TASP1: variants seen among roughly 807,000 people sequenced by gnomAD.
TASP1 encodes the protein taspase 1.
Under a neutral mutation model 56.6 loss-of-function variants are expected in TASP1, and 16 were observed. The observed-to-expected ratio is 0.28, with a 90% confidence interval of 0.19 to 0.43. The LOEUF (loss-of-function observed/expected upper bound fraction) is 0.43, where lower values mean the gene tolerates loss of function less well. Ranked by LOEUF, TASP1 falls within the 20% of genes least tolerant of loss-of-function variation. The probability of loss-of-function intolerance (pLI) is 1.00; values close to 1 mark genes in which losing one functional copy is unlikely to be tolerated. For synonymous variants in TASP1, 179 were observed against 184.2 expected (o/e 0.97, Z 0.23); for missense variants, 393 against 511.6 (o/e 0.77, Z 2.24).
the TASP1 span, among the ~76,000 whole-genome samples, chr20:13,123,968 C>T: frequency 6.6e-6 from 1 of 152,174 alleles, no homozygotes; most frequent in South Asian, 2.1e-4. Flanking sequence ...CTGTGAAGGA[C>T]AGCCCTGGCT....
chr20:13,438,938 T>G (rs554100253), intron 11 of TASP1, among the ~76,000 whole-genome samples: 1 of 152,126 alleles, frequency 6.6e-6, no homozygotes, highest in Non-Finnish European at 1.5e-5. Flanking sequence ...GAGAAATGCA[T>G]ATCAAAACCA....
chr20:13,139,824 C>T, the TASP1 span, among the ~76,000 whole-genome samples: 3 of 152,022 alleles, frequency 2.0e-5, no homozygotes, highest in African/African-American at 4.8e-5. Flanking sequence ...ACTCTTGACC[C>T]GGAATAGAAT....
intron 13 of TASP1, among the ~76,000 whole-genome samples, chr20:13,412,862 A>C (rs1338072198): frequency 1.3e-5 from 2 of 152,162 alleles, no homozygotes; most frequent in Non-Finnish European, 2.9e-5. Context: ...ACAAGGACTT[A>C]ATGGGGTCTA....
At chr20:13,557,580 T>C (rs986651973) in intron 8 of TASP1, among the ~76,000 whole-genome samples, 2 of 139,392 alleles carry the variant, frequency 1.4e-5, no homozygotes, top group South Asian at 4.8e-4. Flanking sequence ...TGGTTTTTTT[T>C]TTTTTTTTTT....
chr20:13,456,096 G>T (rs998554458), intron 11 of TASP1, among the ~76,000 whole-genome samples: 1 of 152,092 alleles, frequency 6.6e-6, no homozygotes, highest in African/African-American at 2.4e-5. Flanking sequence ...GGATCCAGAA[G>T]ACAAAGCACA....
At chr20:13,143,621 C>A in the TASP1 span, among the ~76,000 whole-genome samples, 46 of 152,246 alleles carry the variant, frequency 3.0e-4, no homozygotes, top group African/African-American at 8.9e-4. Context: ...TGGGGGGCTT[C>A]CCCATCAATT....
In TASP1 at chr20:13,572,261, T is replaced by C. The variant is rs6134914; in HGVS notation, c.489-2675A>G. On this transcript the variant is annotated intron_variant, in intron 6 of 13. Coordinates refer to ENST00000337743, the MANE Select transcript of TASP1 (RefSeq NM_017714.3). ...AGATATTAAACAAAATAATAGAGTG[T>C]CAAACTTCTCTAGATTAAAGGACAG... Among the ~76,000 whole-genome samples, 19 of 152,130 alleles carry C rather than the reference T, an allele frequency of 1.2e-4. No homozygotes were observed. In the South Asian group the frequency reaches 2.5e-3, roughly 20 times the overall value.
At chr20:13,510,496 C>T (rs1164549140) in intron 10 of TASP1, among the ~76,000 whole-genome samples, 1 of 152,146 alleles carries the variant, frequency 6.6e-6, no homozygotes, top group Non-Finnish European at 1.5e-5. Flanking sequence ...CATCCATTTT[C>T]TATGGCCAGC....
the TASP1 span, among the ~76,000 whole-genome samples, chr20:13,381,652 A>G: frequency 3.7e-3 from 569 of 152,274 alleles, 3 homozygotes; most frequent in African/African-American, 0.013. Context: ...TCTTAGTACC[A>G]GGAGCACCCT....
At chr20:13,119,669 A>G in the TASP1 span, among the ~76,000 whole-genome samples, 3 of 151,894 alleles carry the variant, frequency 2.0e-5, no homozygotes, top group Non-Finnish European at 2.9e-5. Context: ...TCTTCCCTTC[A>G]TGTTACACTG....
At chr20:13,174,190 T>C in the TASP1 span, among the ~76,000 whole-genome samples, 1 of 152,178 alleles carries the variant, frequency 6.6e-6, no homozygotes, top group Non-Finnish European at 1.5e-5. Context: ...ACAGGTCTGA[T>C]TTTAGAAAAT....
intron 8 of TASP1, among the ~76,000 whole-genome samples, chr20:13,558,472 G>C (rs181544889): frequency 6.6e-6 from 1 of 152,116 alleles, no homozygotes; most frequent in African/African-American, 2.4e-5. Flanking sequence ...AAATTAAAAT[G>C]AGTCAAGGAC....
the TASP1 span, among the ~76,000 whole-genome samples, chr20:13,322,728 G>A: frequency 6.6e-6 from 1 of 152,158 alleles, no homozygotes. Flanking sequence ...TAAAGGATGG[G>A]GGTGGAATAT....
At chr20:13,257,867 G>A in the TASP1 span, among the ~76,000 whole-genome samples, 1 of 152,044 alleles carries the variant, frequency 6.6e-6, no homozygotes, top group Non-Finnish European at 1.5e-5. Flanking sequence ...GGGAGGCCAG[G>A]GAATTCAAAG....
At chr20:13,289,679 G>A in the TASP1 span, among the ~76,000 whole-genome samples, 1 of 151,838 alleles carries the variant, frequency 6.6e-6, no homozygotes, top group Admixed American at 6.6e-5. Flanking sequence ...AGGAGGGGGA[G>A]GAGGAGGAAG....
chr20:13,436,822 AAG>A (rs1394381066), intron 11 of TASP1, among the ~76,000 whole-genome samples: 1 of 152,136 alleles, frequency 6.6e-6, no homozygotes, highest in Non-Finnish European at 1.5e-5. Context: ...GACTTAGGGT[AAG>A]AGCTTCAAGA....
the TASP1 span, among the ~76,000 whole-genome samples, chr20:13,156,993 T>C: frequency 1.3e-5 from 2 of 152,236 alleles, no homozygotes; most frequent in East Asian, 3.8e-4. Flanking sequence ...TCTTGTTTCT[T>C]TCAACTTAAG....
At chr20:13,321,066 G>A in the TASP1 span, among the ~76,000 whole-genome samples, 1 of 151,764 alleles carries the variant, frequency 6.6e-6, no homozygotes. Context: ...AGGCATGGTG[G>A]TACGTGCCTG....
downstream of TASP1, among the ~76,000 whole-genome samples, chr20:13,389,102 C>T (rs2041189449): frequency 6.6e-6 from 1 of 152,152 alleles, no homozygotes; most frequent in Non-Finnish European, 1.5e-5. Flanking sequence ...GAATATAACA[C>T]TTAGAAGTAA....
Sources: gnomAD v4.1 joint callset for allele counts (sites outside exome capture counted in the v4.1 genomes callset) on GRCh38, gnomAD v4.1.1 for gene constraint, MANE v1.5 for transcripts, NCBI Gene and HGNC (gene_info 2026-07-23, HGNC 2026-07-21) for gene names.